The following CEMIP2 variants were observed in gnomAD, a reference collection of about 807,000 sequenced individuals.
CEMIP2 encodes cell migration inducing hyaluronidase 2.
In CEMIP2, 79 loss-of-function variants were observed where a neutral mutation model predicts 146.9. The ratio of observed to expected loss-of-function variants is 0.54; its 90% CI spans 0.45 to 0.65. The LOEUF (loss-of-function observed/expected upper bound fraction) is 0.65, where lower values mean the gene tolerates loss of function less well. Ranked by LOEUF, CEMIP2 falls within the 30% of genes least tolerant of loss-of-function variation. CEMIP2 has a pLI of 0.00. For synonymous variants in CEMIP2, 601 were observed against 606.3 expected, an observed-to-expected ratio of 0.99 and a Z score of 0.13; for missense variants, 1,596 against 1,696.2, an observed-to-expected ratio of 0.94 and a Z score of 1.04.
intron 11 of CEMIP2, among the ~76,000 whole-genome samples, chr9:71,723,605 T>C (rs1823304356): frequency 6.6e-6 from 1 of 152,206 alleles, no homozygotes; most frequent in Admixed American, 6.5e-5. Context: ...GAGACAGACA[T>C]ATGAGAATAG....
At chr9:71,695,492 T>C (rs1822368557) in intron 20 of CEMIP2, among the ~76,000 whole-genome samples, 1 of 151,988 alleles carries the variant, frequency 6.6e-6, no homozygotes, top group Admixed American at 6.5e-5. Context: ...CTGGTCAACA[T>C]GGCGAACTCC....
chr9:71,685,619 T>A, intron 23 of CEMIP2, 124 bp downstream of exon 23: 1 of 896,622 alleles, frequency 1.1e-6, no homozygotes, highest in South Asian at 1.7e-5. Flanking sequence ...TATTTAGAAA[T>A]CATCTTAATG....
Position 71,734,844 on chromosome 9 carries a change from GGAA to G in CEMIP2, c.1352_1354del (p.Leu451del). The G allele has an allele frequency of 6.2e-7, 1 of 1,613,520 alleles. No homozygotes were observed. Among genetic ancestry groups the G allele is most frequent in the Non-Finnish European group, 8.5e-7 (1 of 1,179,726 alleles). ...CTGAAAATGGCTGCATTCAGAACAG[GGAA>G]GAAGAGTGAACTCCTCTGCTTGGTA... On this transcript the variant is annotated inframe_deletion, in exon 6 of 24. Coordinates refer to ENST00000377044, the MANE Select transcript of CEMIP2 (RefSeq NM_013390.3).
At position 71,711,981 on chromosome 9, in the gene CEMIP2, G is replaced by A. The variant is rs146691919; in HGVS notation, c.2769+102C>T. 182 of 1,300,806 alleles carry A rather than the reference G, an allele frequency of 1.4e-4. No individual in the cohort carries two copies. In the East Asian group the frequency reaches 3.1e-3, roughly 22 times the overall value. The allele number at this position is 1,300,806 out of a possible 1,614,324, so 80.6% of individuals were successfully genotyped here. A position where few individuals can be genotyped will look rare whatever the true frequency, so the allele number is the denominator to read the frequency against. Reference sequence around the variant, plus strand: ...TCTGTGTGTATGTCTCCTCCCACTCGTACAGACTCGGTGCAAATCCTTTGC... The same window carrying A: ...TCTGTGTGTATGTCTCCTCCCACTCATACAGACTCGGTGCAAATCCTTTGC... On this transcript the variant is annotated intron_variant, in intron 16 of 23. Coordinates refer to ENST00000377044, the MANE Select transcript of CEMIP2 (RefSeq NM_013390.3).
intron 1 of CEMIP2, among the ~76,000 whole-genome samples, chr9:71,762,094 G>T (rs900156737): frequency 3.9e-5 from 6 of 152,186 alleles, no homozygotes; most frequent in African/African-American, 1.2e-4. Flanking sequence ...TTGAAAGGGT[G>T]TCACCTGCAG....
At chr9:71,706,850 CAG>C (rs1433641533) in intron 17 of CEMIP2, among the ~76,000 whole-genome samples, 1 of 151,922 alleles carries the variant, frequency 6.6e-6, no homozygotes, top group Non-Finnish European at 1.5e-5. Flanking sequence ...ATTTTTGAGA[CAG>C]AGTTTCGCTC....
intron 6 of CEMIP2, among the ~76,000 whole-genome samples, chr9:71,733,258 A>G (rs1823674045): frequency 6.6e-6 from 1 of 152,204 alleles, no homozygotes; most frequent in South Asian, 2.1e-4. Context: ...CATTTACTGG[A>G]AGTGTAGAAG....
chr9:71,732,212 C>T, intron 7 of CEMIP2, 139 bp downstream of exon 7: 6 of 839,372 alleles, frequency 7.1e-6, no homozygotes, highest in Non-Finnish European at 1.1e-5. Context: ...TCATCTAAAA[C>T]CTCCTCATTG....
intron 21 of CEMIP2, among the ~76,000 whole-genome samples, chr9:71,690,563 A>T (rs912657950): frequency 2.6e-5 from 4 of 151,996 alleles, no homozygotes; most frequent in African/African-American, 9.7e-5. Flanking sequence ...TCTTACACAC[A>T]CTCTCACTGG....
At chr9:71,760,178 C>T (rs1305280283) in intron 1 of CEMIP2, among the ~76,000 whole-genome samples, 1 of 151,976 alleles carries the variant, frequency 6.6e-6, no homozygotes, top group Non-Finnish European at 1.5e-5. Flanking sequence ...TCTGGAAAAA[C>T]AAAAATTAAC....
chr9:71,729,599 C>G (rs1278663450), intron 10 of CEMIP2, among the ~76,000 whole-genome samples: 1 of 149,256 alleles, frequency 6.7e-6, no homozygotes, highest in East Asian at 2.0e-4. Context: ...GCCTGGGCAA[C>G]AGACCGGGAC....
At chr9:71,691,382 C>T (rs1162186638) in intron 21 of CEMIP2, among the ~76,000 whole-genome samples, 1 of 148,924 alleles carries the variant, frequency 6.7e-6, no homozygotes, top group African/African-American at 2.5e-5. Flanking sequence ...GGTGCCACTG[C>T]ATTCCAGCCT....
At chr9:71,697,909 A>G (rs1359275530) in intron 20 of CEMIP2, 76 bp downstream of exon 20, 1 of 1,445,934 alleles carries the variant, frequency 6.9e-7, no homozygotes, top group African/African-American at 1.4e-5. Flanking sequence ...GATGTTTCAA[A>G]GAAAAGTGCT....
At chr9:71,751,924 A>G (rs1190051771) in intron 1 of CEMIP2, among the ~76,000 whole-genome samples, 1 of 152,250 alleles carries the variant, frequency 6.6e-6, no homozygotes, top group African/African-American at 2.4e-5. Context: ...AGTCTATCTT[A>G]TCTCTTTAAA....
chr9:71,757,387 A>T (rs1365796944), intron 1 of CEMIP2, among the ~76,000 whole-genome samples: 1 of 152,198 alleles, frequency 6.6e-6, no homozygotes, highest in African/African-American at 2.4e-5. Context: ...TTTTTAAACA[A>T]TACTCAACCT....
intron 6 of CEMIP2, 27 bp downstream of exon 6, chr9:71,734,779 C>T (rs1321329100): frequency 6.5e-7 from 1 of 1,539,708 alleles, no homozygotes; most frequent in African/African-American, 1.4e-5. Context: ...GTGTGTTTCC[C>T]AAGAAGTACT....
At chr9:71,756,715 G>A (rs964256300) in intron 1 of CEMIP2, among the ~76,000 whole-genome samples, 8 of 152,048 alleles carry the variant, frequency 5.3e-5, no homozygotes, top group African/African-American at 1.9e-4. Flanking sequence ...CTTATAAAAT[G>A]CAATTCTAGT....
intron 13 of CEMIP2, among the ~76,000 whole-genome samples, chr9:71,717,679 T>C (rs984659427): frequency 6.6e-6 from 1 of 152,194 alleles, no homozygotes; most frequent in Non-Finnish European, 1.5e-5. Flanking sequence ...GCTTGTTATA[T>C]AAAGTTAAAT....
At chr9:71,700,609 A>G (rs200217102) in intron 19 of CEMIP2, 33 bp downstream of exon 19, 1 of 1,543,450 alleles carries the variant, frequency 6.5e-7, no homozygotes, top group African/African-American at 1.4e-5. Context: ...GAAAAATAGG[A>G]ATAATTCTCA....
Sources: allele counts gnomAD v4.1 joint callset (sites outside exome capture counted in the v4.1 genomes callset), GRCh38; gene constraint gnomAD v4.1.1; transcripts MANE v1.5; gene names NCBI Gene and HGNC (gene_info 2026-07-23, HGNC 2026-07-21).